The following RNF212 variants were observed in gnomAD, a reference collection of about 807,000 sequenced individuals.
The protein encoded by RNF212 is ring finger protein 212, also known as probable E3 SUMO-protein ligase RNF212.
A neutral mutation model predicts 34.7 loss-of-function variants in RNF212; 33 were observed. That is an observed-to-expected ratio of 0.95 (90% confidence interval 0.72 to 1.27). The LOEUF (loss-of-function observed/expected upper bound fraction) is 1.27, where lower values mean the gene tolerates loss of function less well. RNF212 is among the 50% of genes most tolerant of loss of function. The pLI is 0.00. For missense variants in RNF212, 377 were observed against 362.2 expected (o/e 1.04, Z -0.33); for synonymous variants, 140 against 136.1 (o/e 1.03, Z -0.20).
At chr4:1,107,529 C>A (rs1399552899) in intron 2 of RNF212, among the ~76,000 whole-genome samples, 2 of 151,304 alleles carry the variant, frequency 1.3e-5, no homozygotes, top group African/African-American at 4.9e-5. Flanking sequence ...CATCTCACTG[C>A]AGGCTCCGCC....
chr4:1,085,703 T>C (rs1392883997), intron 5 of RNF212, 193 bp downstream of exon 5: 1 of 597,620 alleles, frequency 1.7e-6, no homozygotes, highest in Admixed American at 3.0e-5. Context: ...TTTCACTTTT[T>C]CTTTTTTGTC....
chr4:1,072,659 G>A lies in RNF212; in HGVS notation c.*215C>T. On this transcript the variant is annotated 3_prime_UTR_variant, in exon 10 of 10. Transcript: ENST00000433731. The stretch of plus-strand genomic sequence containing the variant: ...AGCATGAGAACCTATAAAATAAAAG[G>A]GATAATAACAATATATATGAGTACA... 4 of 1,148,648 alleles carry A rather than the reference G, an allele frequency of 3.5e-6. No individual in the cohort carries two copies. The highest frequency in any genetic ancestry group is 2.6e-5 in the South Asian group (1 of 37,804). The allele number at this position is 1,148,648 out of a possible 1,614,324, so 71.2% of individuals were successfully genotyped here.
At chr4:1,089,205 C>T (rs1043418660) in intron 4 of RNF212, among the ~76,000 whole-genome samples, 2 of 152,220 alleles carry the variant, frequency 1.3e-5, no homozygotes, top group Admixed American at 1.3e-4. Context: ...CCTACAGAGC[C>T]ACAGGGGTGG....
chr4:1,056,473 T>C (rs895431315), exon 5 of RNF212: 5 of 983,386 alleles, frequency 5.1e-6, no homozygotes, highest in Non-Finnish European at 4.8e-6. Flanking sequence ...AAAACACAAC[T>C]TTGTCTTTGA....
intron 3 of RNF212, chr4:1,093,308 A>C: frequency 1.1e-6 from 1 of 930,870 alleles, no homozygotes. Flanking sequence ...TAAGACTGAG[A>C]CAAATCTAAA....
downstream of RNF212, among the ~76,000 whole-genome samples, chr4:1,070,298 G>T (rs972190605): frequency 6.8e-6 from 1 of 146,604 alleles, no homozygotes; most frequent in African/African-American, 2.6e-5. Flanking sequence ...GTTACGGGTG[G>T]TTTTGTAGGA....
chr4:1,058,827 G>A (rs143127061), intron 3 of RNF212, among the ~76,000 whole-genome samples: 143 of 152,300 alleles, frequency 9.4e-4, no homozygotes, highest in African/African-American at 3.3e-3. Context: ...CTGTGGGCAT[G>A]CGGACTGTGC....
At chr4:1,078,494 G>C (rs1051475893) in intron 8 of RNF212, among the ~76,000 whole-genome samples, 13 of 152,302 alleles carry the variant, frequency 8.5e-5, no homozygotes, top group African/African-American at 2.9e-4. Flanking sequence ...GGTTTCCTCT[G>C]GTCTTGCTTC....
chr4:1,105,624 C>T (rs552391968), intron 2 of RNF212, among the ~76,000 whole-genome samples: 9 of 152,344 alleles, frequency 5.9e-5, no homozygotes, highest in African/African-American at 2.2e-4. Flanking sequence ...AGACTGGAAA[C>T]CATCAGAGGG....
chr4:1,109,244 G>T (rs554840440), intron 1 of RNF212, among the ~76,000 whole-genome samples: 1 of 151,914 alleles, frequency 6.6e-6, no homozygotes, highest in Non-Finnish European at 1.5e-5. Flanking sequence ...CTGACCTCAG[G>T]TGATCAGCCC....
At chr4:1,064,327 G>T (rs1243760147) in intron 3 of RNF212, among the ~76,000 whole-genome samples, 1 of 152,212 alleles carries the variant, frequency 6.6e-6, no homozygotes, top group Non-Finnish European at 1.5e-5. Flanking sequence ...GTTCACTGTG[G>T]TGAGTTCAAG....
intron 1 of RNF212, among the ~76,000 whole-genome samples, chr4:1,112,866 G>A (rs1197163568): frequency 2.5e-4 from 17 of 68,206 alleles, no homozygotes; most frequent in Admixed American, 6.5e-4. Context: ...CCCCTCCTCT[G>A]GCGTCCCCTT....
intron 8 of RNF212, among the ~76,000 whole-genome samples, chr4:1,077,769 T>A (rs1404384122): frequency 6.6e-6 from 1 of 152,118 alleles, no homozygotes; most frequent in Non-Finnish European, 1.5e-5. Flanking sequence ...GAGGGCTCCA[T>A]AAGAGCTTCC....
At chr4:1,067,616 G>A (rs933989984), downstream of RNF212, among the ~76,000 whole-genome samples, 1 of 152,194 alleles carries the variant, frequency 6.6e-6, no homozygotes, top group Admixed American at 6.5e-5. Context: ...TGTAATCCCA[G>A]CACTTTGGAA....
intron 3 of RNF212, among the ~76,000 whole-genome samples, chr4:1,095,591 A>C (rs1318506551): frequency 3.0e-5 from 2 of 67,680 alleles, no homozygotes; most frequent in African/African-American, 2.2e-4. Flanking sequence ...CCATGGTCTC[A>C]GCATAGCGCA....
downstream of RNF212, among the ~76,000 whole-genome samples, chr4:1,069,098 C>T (rs529242746): frequency 6.6e-6 from 1 of 152,112 alleles, no homozygotes; most frequent in East Asian, 1.9e-4. Context: ...ATAGTCCCAG[C>T]TACTTGGGAG....
At chr4:1,096,947 T>C (rs559412777) in intron 2 of RNF212, 108 bp from the exon 3 acceptor site, 9 of 826,150 alleles carry the variant, frequency 1.1e-5, no homozygotes, top group Admixed American at 1.1e-4. Context: ...ATGACTCAAG[T>C]GGCCAGCACA....
At chr4:1,108,234 G>C in intron 2 of RNF212, 109 bp downstream of exon 2, 1 of 654,468 alleles carries the variant, frequency 1.5e-6, no homozygotes, top group Non-Finnish European at 2.6e-6. Flanking sequence ...TGTTAACGGA[G>C]CAAAGTGACT....
chr4:1,073,253 G>A (rs1432998205), intron 9 of RNF212, 60 bp from the exon 10 acceptor site: 2 of 1,581,716 alleles, frequency 1.3e-6, no homozygotes, highest in Non-Finnish European at 1.7e-6. Flanking sequence ...TGAGGTGGAT[G>A]TGTGCTGAGG....
Sources: gnomAD v4.1 joint callset for allele counts (sites outside exome capture counted in the v4.1 genomes callset) on GRCh38, gnomAD v4.1.1 for gene constraint, MANE v1.5 for transcripts, NCBI Gene and HGNC (gene_info 2026-07-23, HGNC 2026-07-21) for gene names.